Variants in CELF2 observed in about 807,000 individuals in gnomAD.
CELF2 encodes the protein CUG triplet repeat RNA-binding protein 2.
Under a neutral mutation model 62.6 loss-of-function variants are expected in CELF2, and 8 were observed. That is an observed-to-expected ratio of 0.13 (90% CI 0.07 to 0.23). The LOEUF (loss-of-function observed/expected upper bound fraction) is 0.23. CELF2 is among the 10% of genes least tolerant of loss of function. CELF2 has a pLI of 1.00. For missense variants in CELF2, 333 were observed against 671.0 expected (o/e 0.50, Z 5.56); for synonymous variants, 258 against 250.0 (o/e 1.03, Z -0.30).
intron 2 of CELF2, among the ~76,000 whole-genome samples, chr10:11,209,774 C>G (rs559073682): frequency 1.2e-4 from 13 of 105,432 alleles, no homozygotes; most frequent in African/African-American, 4.8e-4. Context: ...AGATCCACAG[C>G]CTTTGGACTC....
intron 2 of CELF2, among the ~76,000 whole-genome samples, chr10:11,196,750 G>T (rs1246799922): frequency 1.3e-5 from 2 of 151,958 alleles, no homozygotes; most frequent in African/African-American, 4.8e-5. Context: ...GAGGTCAGGA[G>T]TTCAAGACCA....
At chr10:10,624,993 G>A in the CELF2 span, among the ~76,000 whole-genome samples, 12 of 152,332 alleles carry the variant, frequency 7.9e-5, no homozygotes, top group Middle Eastern at 3.4e-3. Flanking sequence ...TCACTGCCAA[G>A]CCTAAGTGGG....
chr10:11,270,761 G>A lies in CELF2; in HGVS notation c.714G>A (p.Gln238=). 3 of 1,558,574 alleles carry A rather than the reference G, an allele frequency of 1.9e-6. No homozygotes were observed. The highest frequency in any genetic ancestry group is 1.8e-5 in the Admixed American group (1 of 54,648). ...LQQQLAQQMQ[Q]LNTATWGNLT... Reference sequence around the variant, plus strand: ...AGCAGCTCGCTCAGCAGATGCAGCAGCTCAACACTGCCACCTGGGGGAACC... The same window carrying A: ...AGCAGCTCGCTCAGCAGATGCAGCAACTCAACACTGCCACCTGGGGGAACC... Residue 238 remains glutamine (Q), a synonymous_variant, in exon 7 of 13, where the codon CAG becomes CAA. Transcript: ENST00000633077. This position sits in a 1 kb window ranked among gnomAD's most constrained non-coding sequence, Gnocchi z 5.8.
Position 11,178,773 on chromosome 10 carries a change from A to G in CELF2, c.271+13091A>G, listed in dbSNP as rs968500626. ...TGCTCAGGAGATAAGAGTGGGGCCTATCGCTCTGTGGCTTTCTCCCCCTGC... is the reference window on the plus strand; with the variant it reads ...TGCTCAGGAGATAAGAGTGGGGCCTGTCGCTCTGTGGCTTTCTCCCCCTGC... On this transcript the variant is annotated intron_variant, in intron 2 of 12. Transcript: ENST00000633077. This position sits in a 1 kb window ranked among gnomAD's most constrained non-coding sequence, Gnocchi z 4.3. Among the ~76,000 whole-genome samples the G allele has an allele frequency of 6.6e-6, 1 of 152,366 alleles. No homozygotes were observed. The highest frequency in any genetic ancestry group is 2.4e-5 in the African/African-American group (1 of 41,592).
chr10:10,539,886 G>A, the CELF2 span, among the ~76,000 whole-genome samples: 1 of 152,328 alleles, frequency 6.6e-6, no homozygotes, highest in South Asian at 2.1e-4. Context: ...AGGTGGCATA[G>A]GGCATCTTTT....
the CELF2 span, among the ~76,000 whole-genome samples, chr10:10,719,276 T>C: frequency 2.0e-5 from 3 of 152,086 alleles, no homozygotes; most frequent in Admixed American, 6.6e-5. Context: ...TACTTTTTAA[T>C]GATACAGGGT....
chr10:10,692,065 A>G, the CELF2 span, among the ~76,000 whole-genome samples: 19 of 150,418 alleles, frequency 1.3e-4, no homozygotes, highest in African/African-American at 3.7e-4. Flanking sequence ...TTGGTGTTTT[A>G]GACATGAAGT....
At chr10:11,035,594 A>C (rs1203239589) in intron 1 of CELF2, among the ~76,000 whole-genome samples, 3 of 152,202 alleles carry the variant, frequency 2.0e-5, no homozygotes, top group East Asian at 1.9e-4. Context: ...TGGGGTGCCT[A>C]GGTATATTTT....
At chr10:10,625,968 G>T in the CELF2 span, among the ~76,000 whole-genome samples, 4 of 151,360 alleles carry the variant, frequency 2.6e-5, no homozygotes, top group Non-Finnish European at 5.9e-5. Context: ...CAAACCTGGT[G>T]CAGTGCAGTG....
At chr10:10,716,421 G>A in the CELF2 span, among the ~76,000 whole-genome samples, 1 of 152,110 alleles carries the variant, frequency 6.6e-6, no homozygotes, top group South Asian at 2.1e-4. Flanking sequence ...CACGCCTGTA[G>A]TCCCAGCTAC....
chr10:11,319,426 G>A lies in CELF2; in HGVS notation c.1097-1763G>A, dbSNP rs1298401729. Among the ~76,000 whole-genome samples the A allele has an allele frequency of 2.6e-5, 4 of 152,112 alleles. No homozygotes were observed. The highest frequency in any genetic ancestry group is 1.3e-4 in the Admixed American group (2 of 15,280). On this transcript the variant is annotated intron_variant, in intron 10 of 12. Transcript: ENST00000633077. The surrounding 1 kb of genome is among the most constrained non-coding windows in gnomAD (Gnocchi z 4.4). ...AACAGGGACAGAGGGGAAGCACAGC[G>A]GCAGGGAGGTGGCCGCGATTTGCTG... is the stretch of plus-strand genomic sequence containing the variant.
chr10:11,310,227 A>G (rs921217616), intron 9 of CELF2, among the ~76,000 whole-genome samples: 3 of 152,164 alleles, frequency 2.0e-5, no homozygotes, highest in African/African-American at 7.2e-5. Flanking sequence ...TGAATTGTCA[A>G]TGTTGGTAGT....
chr10:10,636,132 T>G, the CELF2 span, among the ~76,000 whole-genome samples: 1 of 152,340 alleles, frequency 6.6e-6, no homozygotes, highest in South Asian at 2.1e-4. Context: ...TCAAAGGTTT[T>G]TATTTGAATT....
At chr10:11,094,247 C>T (rs932975615) in intron 1 of CELF2, among the ~76,000 whole-genome samples, 13 of 152,186 alleles carry the variant, frequency 8.5e-5, no homozygotes, top group African/African-American at 3.1e-4. Context: ...GTGACAAGAA[C>T]TGTGTGTTAT....
chr10:10,870,867 T>A (rs534648307), intron 1 of CELF2, among the ~76,000 whole-genome samples: 1 of 152,148 alleles, frequency 6.6e-6, no homozygotes, highest in Admixed American at 6.5e-5. Context: ...TACTGCCTCT[T>A]GTTCGTTAAT....
chr10:10,837,805 T>A (rs568556699), intron 1 of CELF2, among the ~76,000 whole-genome samples: 54 of 152,330 alleles, frequency 3.5e-4, no homozygotes, highest in African/African-American at 1.1e-3. Flanking sequence ...TGTTTTGTTT[T>A]GCTTTTAGTA....
intron 2 of CELF2, among the ~76,000 whole-genome samples, chr10:10,988,203 A>G (rs982259293): frequency 7.2e-5 from 11 of 152,160 alleles, no homozygotes; most frequent in African/African-American, 2.6e-4. Flanking sequence ...GTGCCCATCA[A>G]CCAATGAATG....
chr10:10,730,050 A>G, the CELF2 span, among the ~76,000 whole-genome samples: 4 of 152,218 alleles, frequency 2.6e-5, no homozygotes, highest in African/African-American at 9.7e-5. Flanking sequence ...AGAGAAAATG[A>G]CACTATCCCA....
At chr10:10,581,264 T>C in the CELF2 span, among the ~76,000 whole-genome samples, 1 of 152,236 alleles carries the variant, frequency 6.6e-6, no homozygotes, top group Non-Finnish European at 1.5e-5. Flanking sequence ...GTACAACCTT[T>C]AGCTAAAATT....
Sources: gnomAD v4.1 joint callset for allele counts (sites outside exome capture counted in the v4.1 genomes callset) on GRCh38, gnomAD v4.1.1 for gene constraint, Gnocchi (gnomAD v3.1) non-coding constraint, MANE v1.5 for transcripts, NCBI Gene and HGNC (gene_info 2026-07-23, HGNC 2026-07-21) for gene names.